Variants in PTPN14 observed in about 807,000 individuals in gnomAD.
PTPN14 encodes protein tyrosine phosphatase non-receptor type 14, also known as tyrosine-protein phosphatase non-receptor type 14.
In PTPN14, 53 loss-of-function variants were observed where a neutral mutation model predicts 126.8. That is an observed-to-expected ratio of 0.42 (90% CI 0.34 to 0.53). The LOEUF is 0.53. Among genes scored for constraint, PTPN14 ranks in the 20% least tolerant of loss-of-function variants. The pLI is 0.08. For missense variants in PTPN14, 1,257 were observed against 1,552.9 expected (o/e 0.81, Z 3.20); for synonymous variants, 630 against 599.3 (o/e 1.05, Z -0.75).
intron 1 of PTPN14, among the ~76,000 whole-genome samples, chr1:214,494,774 C>T (rs1434286154): frequency 6.6e-6 from 1 of 152,102 alleles, no homozygotes; most frequent in African/African-American, 2.4e-5. Flanking sequence ...CACTACACTA[C>T]TGAATGGAAG....
intron 1 of PTPN14, among the ~76,000 whole-genome samples, chr1:214,523,675 C>T (rs1440304309): frequency 1.3e-5 from 2 of 152,212 alleles, no homozygotes; most frequent in South Asian, 4.1e-4. Flanking sequence ...GTTTCAGTGA[C>T]CCCACTTCCG....
intron 1 of PTPN14, among the ~76,000 whole-genome samples, chr1:214,525,073 A>G (rs1441438291): frequency 6.6e-6 from 1 of 152,224 alleles, no homozygotes; most frequent in Non-Finnish European, 1.5e-5. Context: ...GGAGGTATAT[A>G]TGTAACATAT....
chr1:214,434,402 C>T (rs932400562), intron 3 of PTPN14, among the ~76,000 whole-genome samples: 2 of 151,660 alleles, frequency 1.3e-5, no homozygotes, highest in Admixed American at 1.3e-4. Flanking sequence ...TGGTAACCTT[C>T]AAGAGGCAAA....
chr1:214,427,276 CAAAAAAAAAAAAAAA>C (rs5741915), intron 3 of PTPN14, among the ~76,000 whole-genome samples: 1 of 65,216 alleles, frequency 1.5e-5, no homozygotes, highest in Non-Finnish European at 2.7e-5. Context: ...GTCTCCATCT[CAAAAAAAAAAAAAAA>C]AAAAAAAAAA....
chr1:214,469,544 G>C (rs61819615), intron 1 of PTPN14, among the ~76,000 whole-genome samples: 1 of 152,030 alleles, frequency 6.6e-6, no homozygotes, highest in African/African-American at 2.4e-5. Flanking sequence ...ATAAAATCTG[G>C]AACTAAATGC....
At chr1:214,491,002 AAAGAAAGG>A (rs200185061) in intron 1 of PTPN14, among the ~76,000 whole-genome samples, 27,179 of 142,316 alleles carry the variant, frequency 0.19, 3,531 homozygotes, top group East Asian at 0.37. Flanking sequence ...GAAGGAAAGG[AAAGAAAGG>A]AAGAAAGGAA....
At chr1:214,403,013 G>A in intron 5 of PTPN14, 60 bp from the exon 6 acceptor site, 3 of 1,544,292 alleles carry the variant, frequency 1.9e-6, no homozygotes, top group Non-Finnish European at 2.7e-6. Flanking sequence ...TATTTTGCTT[G>A]CAAATCTTAA....
chr1:214,361,311 C>A (rs6677193), intron 18 of PTPN14, among the ~76,000 whole-genome samples: 6,631 of 152,228 alleles, frequency 0.044, 197 homozygotes, highest in South Asian at 0.17. Flanking sequence ...ATGTTGTCAC[C>A]ATCACCACCT....
chr1:214,378,257 A>C (rs1658390896), intron 13 of PTPN14, among the ~76,000 whole-genome samples, 155 bp from the exon 14 acceptor site: 1 of 152,210 alleles, frequency 6.6e-6, no homozygotes, highest in Admixed American at 6.5e-5. Context: ...CACTATTCCC[A>C]CTGGGCCCCT....
chr1:214,432,133 G>A (rs1444850132), intron 3 of PTPN14, among the ~76,000 whole-genome samples: 3 of 152,040 alleles, frequency 2.0e-5, no homozygotes, highest in African/African-American at 7.2e-5. Context: ...GGAGGCTTCA[G>A]TGAGCTATGA....
chr1:214,520,059 A>ATATATAT (rs1224376294), intron 1 of PTPN14, among the ~76,000 whole-genome samples: 1 of 81,794 alleles, frequency 1.2e-5, no homozygotes, highest in African/African-American at 6.2e-5. Context: ...AAAAAAAAAA[A>ATATATAT]AAAAAAATAT....
chr1:214,426,032 C>CAAA (rs66656875), intron 3 of PTPN14, among the ~76,000 whole-genome samples: 15 of 33,866 alleles, frequency 4.4e-4, no homozygotes, highest in South Asian at 1.7e-3. Flanking sequence ...GCATAAATCG[C>CAAA]AAAAAAAAAA....
chr1:214,425,682 C>T (rs1030823256), intron 3 of PTPN14, among the ~76,000 whole-genome samples: 6 of 152,162 alleles, frequency 3.9e-5, no homozygotes, highest in African/African-American at 4.8e-5. Flanking sequence ...AAACACACCA[C>T]ATGTCTATCA....
intron 3 of PTPN14, among the ~76,000 whole-genome samples, chr1:214,439,184 AC>A (rs1466828158): frequency 2.0e-5 from 3 of 152,240 alleles, no homozygotes; most frequent in Non-Finnish European, 4.4e-5. Context: ...ATCATTCAAA[AC>A]ATACAGAGCT....
chr1:214,464,596 C>G lies in PTPN14; in HGVS notation c.174+34G>C, dbSNP rs369865001. 25 of 1,604,438 alleles carry G rather than the reference C, an allele frequency of 1.6e-5. No homozygotes were observed. In the Admixed American group the frequency reaches 3.2e-4, roughly 20 times the overall value. ...CCTTCACATACCCAACACGCATGCA[C>G]GCGCACATGCGCACACAGACACACC... On this transcript the variant is annotated intron_variant, in intron 2 of 18. Coordinates refer to ENST00000366956, the MANE Select transcript of PTPN14 (RefSeq NM_005401.5).
At chr1:214,540,538 A>C (rs1457063961) in intron 1 of PTPN14, among the ~76,000 whole-genome samples, 1 of 152,090 alleles carries the variant, frequency 6.6e-6, no homozygotes, top group African/African-American at 2.4e-5. Flanking sequence ...TTCTCCTCTA[A>C]ATGGAGGTGT....
rs199580607 is a variant in PTPN14, at chr1:214,386,828, G to A, written c.1066+16C>T. 49 of 1,565,924 alleles carry A rather than the reference G, an allele frequency of 3.1e-5. No homozygotes were observed. The highest frequency in any genetic ancestry group is 2.0e-4 in the African/African-American group (15 of 73,874). On this transcript the variant is annotated intron_variant, in intron 12 of 18. Transcript: ENST00000366956. ...ACTTTTTGTCTTAAGAAGGGAGAAC[G>A]GCAAGCCAGAGTTACCTTGCGAGGT...
rs181763145 is a variant in PTPN14, at chr1:214,540,180, G to A, written c.-155+11003C>T. ...CAGGATGTTAGTCATTATAACCCACGGATTTAAACACACAGGGAGTCTAAA... is the reference window on the plus strand; with the variant it reads ...CAGGATGTTAGTCATTATAACCCACAGATTTAAACACACAGGGAGTCTAAA... On this transcript the variant is annotated intron_variant, in intron 1 of 18. Transcript: ENST00000366956. Among the ~76,000 whole-genome samples the A allele has an allele frequency of 2.0e-3, 307 of 152,058 alleles. 1 individual carries two copies. Among genetic ancestry groups the A allele is most frequent in the African/African-American group, 7.2e-3 (297 of 41,470 alleles).
At chr1:214,437,415 T>C (rs1188757135) in intron 3 of PTPN14, among the ~76,000 whole-genome samples, 1 of 152,096 alleles carries the variant, frequency 6.6e-6, no homozygotes, top group Non-Finnish European at 1.5e-5. Flanking sequence ...ATTATTCTTA[T>C]AGGAATAATA....
Sources: gnomAD v4.1 joint callset for allele counts (sites outside exome capture counted in the v4.1 genomes callset) on GRCh38, gnomAD v4.1.1 for gene constraint, MANE v1.5 for transcripts, NCBI Gene and HGNC (gene_info 2026-07-23, HGNC 2026-07-21) for gene names.